The following USH2A variants were observed in gnomAD, a reference collection of about 807,000 sequenced individuals.
The protein encoded by USH2A is Usher syndrome 2A (autosomal recessive, mild).
A neutral mutation model predicts 538.9 loss-of-function variants in USH2A; 443 were observed. The observed-to-expected ratio is 0.82, with a 90% confidence interval of 0.76 to 0.89. USH2A has a LOEUF of 0.89. Ranked by LOEUF, USH2A falls within the 40% of genes least tolerant of loss-of-function variation. The probability of loss-of-function intolerance (pLI) is 0.00; values close to 1 mark genes in which losing one functional copy is unlikely to be tolerated. For synonymous variants in USH2A, 2,413 were observed against 2,273.5 expected (o/e 1.06, Z -1.75); for missense variants, 6,633 against 6,324.8 (o/e 1.05, Z -1.65).
At chr1:216,084,983 T>C (rs2032082872) in intron 24 of USH2A, 106 bp from the exon 25 acceptor site, 1 of 1,032,726 alleles carries the variant, frequency 9.7e-7, no homozygotes, top group Non-Finnish European at 1.5e-6. Flanking sequence ...TAGCTCTCAC[T>C]ACCTATTTAC....
intron 70 of USH2A, among the ~76,000 whole-genome samples, chr1:215,632,470 T>A (rs190392749): frequency 2.6e-5 from 4 of 152,180 alleles, no homozygotes; most frequent in Non-Finnish European, 4.4e-5. Context: ...AGGAAGACAG[T>A]GTTCTTCCTC....
In USH2A at chr1:216,000,385, G is replaced by T; in HGVS notation, c.6485+18C>A. 1 of 1,613,312 alleles carries T rather than the reference G, an allele frequency of 6.2e-7. No homozygotes were observed. Among genetic ancestry groups the T allele is most frequent in the Non-Finnish European group, 8.5e-7 (1 of 1,179,482 alleles). ...CTTGCATGAACCAGCATGTGAGAGAGACAACATTTCTACTTACTGTATGTG... is the reference window on the plus strand; with the variant it reads ...CTTGCATGAACCAGCATGTGAGAGATACAACATTTCTACTTACTGTATGTG... On this transcript the variant is annotated intron_variant, in intron 33 of 71. Transcript: ENST00000307340.
In USH2A at chr1:216,314,546, A is replaced by G. The variant is rs377177298; in HGVS notation, c.1644+7337T>C. 8.5e-5 allele frequency among the ~76,000 whole-genome samples: 13 copies of G among 152,274 alleles called. 1 individual carries two copies. Among genetic ancestry groups the G allele is most frequent in the Admixed American group, 3.9e-4 (6 of 15,292 alleles). ...ATATAATATAAATATGACACAAATT[A>G]GTCATGATGATTCATACTTTTGGAC... On this transcript the variant is annotated intron_variant, in intron 9 of 71. Transcript: ENST00000307340.
At position 215,854,864 on chromosome 1, in the gene USH2A, G is replaced by A. The variant is rs187102162; in HGVS notation, c.8846-8831C>T. Among the ~76,000 whole-genome samples, 242 of 152,350 alleles carry A rather than the reference G, an allele frequency of 1.6e-3. 1 individual carries two copies. Among genetic ancestry groups the A allele is most frequent in the African/African-American group, 5.5e-3 (230 of 41,592 alleles). ...CATGTGCTCGACAAAGAAAAGGGCAGATGGAGCCACTATGTTGAACATGCC... is the reference window on the plus strand; with the variant it reads ...CATGTGCTCGACAAAGAAAAGGGCAAATGGAGCCACTATGTTGAACATGCC... On this transcript the variant is annotated intron_variant, in intron 44 of 71. Transcript: ENST00000307340.
chr1:216,008,824 C>G (rs999049845), intron 32 of USH2A, among the ~76,000 whole-genome samples: 1 of 152,136 alleles, frequency 6.6e-6, no homozygotes, highest in African/African-American at 2.4e-5. Flanking sequence ...CTGGTAAAGA[C>G]AAAGGAGACA....
chr1:215,906,537 T>A (rs188094552), intron 38 of USH2A, among the ~76,000 whole-genome samples: 1 of 152,134 alleles, frequency 6.6e-6, no homozygotes, highest in African/African-American at 2.4e-5. Context: ...TAATATAGAA[T>A]AACTATTAAA....
chr1:216,018,217 G>A (rs1212260154), intron 32 of USH2A, among the ~76,000 whole-genome samples: 1 of 152,212 alleles, frequency 6.6e-6, no homozygotes, highest in Non-Finnish European at 1.5e-5. Flanking sequence ...CCTGACAAGG[G>A]AGAAGATGGC....
In USH2A at chr1:216,089,126, T is replaced by C. The variant is rs752862309; in HGVS notation, c.4772A>G (p.Glu1591Gly). 1 of 1,612,954 alleles carries C rather than the reference T, an allele frequency of 6.2e-7. No individual in the cohort carries two copies. The highest frequency in any genetic ancestry group is 2.2e-5 in the East Asian group (1 of 44,818). ...GCCATGATCATTAGTTGTAGTTACT[T>C]CCACTGGTGACCCCTTAAGGGAATG... ...FLFDPQGSPVEVTTTNDHGKQ... is the reference protein window; with the variant it reads ...FLFDPQGSPVGVTTTNDHGKQ... The change falls in exon 23 of 72, where the codon GAA becomes GGA. Residue 1591 changes from glutamate (E) to glycine (G), a missense_variant. Transcript: ENST00000307340.
At chr1:215,813,147 G>T (rs1258149874) in intron 49 of USH2A, among the ~76,000 whole-genome samples, 1 of 152,168 alleles carries the variant, frequency 6.6e-6, no homozygotes, top group Non-Finnish European at 1.5e-5. Flanking sequence ...ACTAGGCATT[G>T]TTTTATGTAG....
In USH2A at chr1:216,372,571, AT is replaced by A. The variant is rs200588480; in HGVS notation, c.652-7487del. Reference sequence around the variant, plus strand: ...AAATTTAACATAGGAATGCAAGTAGATTTTTTTTTGTCCTATCTTGACTGGA... The same window carrying A: ...AAATTTAACATAGGAATGCAAGTAGATTTTTTTTGTCCTATCTTGACTGGA... On this transcript the variant is annotated intron_variant, in intron 3 of 71. Transcript: ENST00000307340. Among the ~76,000 whole-genome samples, 9 of 151,674 alleles carry A rather than the reference AT, an allele frequency of 5.9e-5. No individual in the cohort carries two copies. The East Asian group carries it at 1.2e-3, about 20-fold the overall frequency.
chr1:216,028,894 C>G (rs1669029401), intron 32 of USH2A, among the ~76,000 whole-genome samples: 1 of 151,994 alleles, frequency 6.6e-6, no homozygotes, highest in Non-Finnish European at 1.5e-5. Flanking sequence ...GTAAAACAGT[C>G]TGGTCCCAAT....
At chr1:216,253,453 A>C (rs946601468) in intron 11 of USH2A, among the ~76,000 whole-genome samples, 2 of 152,164 alleles carry the variant, frequency 1.3e-5, no homozygotes, top group African/African-American at 4.8e-5. Context: ...GACCTGAGCC[A>C]CTGCACCTGG....
At chr1:216,210,846 T>C (rs1408441355) in intron 15 of USH2A, among the ~76,000 whole-genome samples, 2 of 152,062 alleles carry the variant, frequency 1.3e-5, no homozygotes, top group Non-Finnish European at 1.5e-5. Context: ...CTGGGCATGG[T>C]GGCACACACC....
At chr1:215,791,164 C>G (rs1301901204) in intron 50 of USH2A, among the ~76,000 whole-genome samples, 1 of 152,184 alleles carries the variant, frequency 6.6e-6, no homozygotes. Flanking sequence ...TAAATTAACA[C>G]TACTCTAGAG....
chr1:216,237,488 C>G (rs1209358536), intron 13 of USH2A, among the ~76,000 whole-genome samples: 2 of 143,364 alleles, frequency 1.4e-5, no homozygotes, highest in Non-Finnish European at 3.0e-5. Context: ...GAGCAAGACT[C>G]CGTCTTAAAA....
chr1:215,675,881 C>A (rs1468686530), intron 62 of USH2A, among the ~76,000 whole-genome samples: 1 of 151,600 alleles, frequency 6.6e-6, no homozygotes, highest in Non-Finnish European at 1.5e-5. Context: ...AAACTAAGGG[C>A]TATTGAATCA....
chr1:215,659,393 T>C (rs763662320), intron 64 of USH2A, among the ~76,000 whole-genome samples: 3 of 152,054 alleles, frequency 2.0e-5, no homozygotes, highest in Non-Finnish European at 4.4e-5. Flanking sequence ...GAGGACAGAA[T>C]TGGACAAAAA....
chr1:215,925,817 G>A (rs1292344631), intron 38 of USH2A, among the ~76,000 whole-genome samples: 1 of 152,154 alleles, frequency 6.6e-6, no homozygotes, highest in African/African-American at 2.4e-5. Flanking sequence ...TGGATACAGA[G>A]CAGATGAAAA....
At chr1:215,889,877 C>G (rs2102461367) in intron 40 of USH2A, among the ~76,000 whole-genome samples, 1 of 152,274 alleles carries the variant, frequency 6.6e-6, no homozygotes, top group Middle Eastern at 3.4e-3. Context: ...ATCAAGTCAC[C>G]TTGAATGCAA....
Sources: allele counts gnomAD v4.1 joint callset (sites outside exome capture counted in the v4.1 genomes callset), GRCh38; gene constraint gnomAD v4.1.1; transcripts MANE v1.5; gene names NCBI Gene and HGNC (gene_info 2026-07-23, HGNC 2026-07-21).